Variants in LGALS13 observed in about 807,000 individuals in gnomAD.
LGALS13 encodes galactoside-binding soluble lectin 13.
In LGALS13, 11 loss-of-function variants were observed where a neutral mutation model predicts 13.2. The observed-to-expected ratio is 0.83, with a 90% confidence interval of 0.52 to 1.38. LGALS13 has a LOEUF of 1.38. Among genes scored for constraint, LGALS13 ranks in the 40% most tolerant of loss-of-function variants. LGALS13 has a pLI of 0.00. For synonymous variants in LGALS13, 71 were observed against 63.7 expected, an observed-to-expected ratio of 1.11 and a Z score of -0.54; for missense variants, 183 against 174.3, an observed-to-expected ratio of 1.05 and a Z score of -0.28.
chr19:39,606,660 C>T lies in LGALS13; in HGVS notation c.304-563C>T, dbSNP rs113116093. ...CATTCACATCTTATTCAGATTCAAG[C>T]GAGGGATCTTTTCCTATGCTTAGAA... On this transcript the variant is annotated intron_variant, in intron 3 of 3. Coordinates refer to ENST00000221797, the MANE Select transcript of LGALS13 (RefSeq NM_013268.3). Among the ~76,000 whole-genome samples, 5 of 152,148 alleles carry T rather than the reference C, an allele frequency of 3.3e-5. No individual in the cohort carries two copies. In the East Asian group the frequency reaches 9.6e-4, roughly 29 times the overall value.
intron 1 of LGALS13, 135 bp from the exon 2 acceptor site, chr19:39,604,467 A>G (rs1972649317): frequency 3.1e-6 from 3 of 961,730 alleles, no homozygotes; most frequent in Non-Finnish European, 3.3e-6. Context: ...GGGGCCCTGA[A>G]TGCGGTAGGG....
At chr19:39,605,472 T>G (rs1972673695) in intron 3 of LGALS13, 84 bp downstream of exon 3, 8 of 1,113,400 alleles carry the variant, frequency 7.2e-6, no homozygotes, top group Non-Finnish European at 9.5e-6. Flanking sequence ...GCCTCAGTAG[T>G]CCGTCAGGGT....
In LGALS13 at chr19:39,607,450, G is replaced by A; in HGVS notation, c.*111G>A. The A allele has an allele frequency of 1.3e-6, 1 of 787,504 alleles. No homozygotes were observed. Among genetic ancestry groups the A allele is most frequent in the Non-Finnish European group, 2.2e-6 (1 of 447,736 alleles). The allele number at this position is 787,504 out of a possible 1,614,324, so 48.8% of individuals were successfully genotyped here. A position where few individuals can be genotyped will look rare whatever the true frequency, so the allele number is the denominator to read the frequency against. On this transcript the variant is annotated 3_prime_UTR_variant, in exon 4 of 4. Transcript: ENST00000221797. The stretch of plus-strand genomic sequence containing the variant: ...CTGCTCACATTTTCCCCTACACTTT[G>A]TCATTAAAACAGCACGAAAACTCAC...
chr19:39,603,027 G>A (rs1972625947), intron 1 of LGALS13, among the ~76,000 whole-genome samples: 1 of 152,186 alleles, frequency 6.6e-6, no homozygotes, highest in South Asian at 2.1e-4. Context: ...GTGGCTCTGT[G>A]TGACTGTGAG....
At position 39,605,316 on chromosome 19, in the gene LGALS13, A is replaced by ATTT. The variant is rs753174253; in HGVS notation, c.231_232insTTT (p.Thr77_Thr78insPhe). 38 of 1,614,240 alleles carry ATTT rather than the reference A, an allele frequency of 2.4e-5. 1 individual carries two copies. The African/African-American group carries it at 3.2e-4, about 14-fold the overall frequency. ...TTGGGATATGGATGTTGGAGGAGAC[A>ATTT]ACAGACTACGTGCCCTTTGAGGATG... On this transcript the variant is annotated inframe_insertion, in exon 3 of 4. Coordinates refer to ENST00000221797, the MANE Select transcript of LGALS13 (RefSeq NM_013268.3).
intron 3 of LGALS13, 73 bp from the exon 4 acceptor site, chr19:39,607,150 G>A: frequency 1.0e-6 from 1 of 955,756 alleles, no homozygotes; most frequent in Non-Finnish European, 1.7e-6. Flanking sequence ...ATTTGTACCA[G>A]GACAGAGTGG....
intron 3 of LGALS13, among the ~76,000 whole-genome samples, chr19:39,606,278 A>G (rs981396390): frequency 6.6e-6 from 1 of 152,238 alleles, no homozygotes; most frequent in African/African-American, 2.4e-5. Flanking sequence ...GCCAAAGAAT[A>G]TATATTGAAG....
intron 1 of LGALS13, 148 bp downstream of exon 1, chr19:39,602,731 A>G (rs1972620965): frequency 6.1e-6 from 5 of 821,686 alleles, no homozygotes; most frequent in Admixed American, 4.0e-5. Flanking sequence ...CCCTGAGGCT[A>G]TGGTATCTGA....
rs754956765 is a variant in LGALS13 at position 39,607,282 on chromosome 19, G to C, written c.363G>C (p.Val121=). 6.2e-7 allele frequency: 1 copy of C among 1,614,120 alleles called. No homozygotes were observed. The highest frequency in any genetic ancestry group is 8.5e-7 in the Non-Finnish European group (1 of 1,180,008). ...TCCATCGAATCCCGCCATCATTTGT[G>C]AAGATGGTGCAAGTGTCGAGAGATA... is the stretch of plus-strand genomic sequence containing the variant. ...GFVHRIPPSF[V]KMVQVSRDIS... The change falls in exon 4 of 4, where the codon GTG becomes GTC. Residue 121 remains valine (V), a synonymous_variant. Transcript: ENST00000221797.
At chr19:39,603,195 T>C (rs1382758764) in intron 1 of LGALS13, among the ~76,000 whole-genome samples, 1 of 152,138 alleles carries the variant, frequency 6.6e-6, no homozygotes, top group Non-Finnish European at 1.5e-5. Flanking sequence ...AAGGACTTAT[T>C]TCAGATCACT....
chr19:39,605,201 A>G lies in LGALS13; in HGVS notation c.116A>G (p.Asp39Gly). The change falls in exon 3 of 4, where the codon GAT (aspartate) becomes GGT (glycine). Residue 39 changes from aspartate to glycine, a missense_variant. Physicochemically the swap from Asp to Gly is moderately conservative, Grantham distance 94 (BLOSUM62 -1). Coordinates refer to ENST00000221797, the MANE Select transcript of LGALS13 (RefSeq NM_013268.3). ...AGCAATGACCCACAGCTGCAGGTGG[A>G]TTTCTACACTGACATGGATGAGGAT... is the stretch of plus-strand genomic sequence containing the variant. ...SFINDPQLQV[D>G]FYTDMDEDSD... The G allele has an allele frequency of 6.2e-7, 1 of 1,614,218 alleles. No individual in the cohort carries two copies. Among genetic ancestry groups the G allele is most frequent in the Non-Finnish European group, 8.5e-7 (1 of 1,180,026 alleles).
intron 1 of LGALS13, among the ~76,000 whole-genome samples, chr19:39,603,664 T>G (rs1310062307): frequency 1.3e-5 from 2 of 152,012 alleles, no homozygotes; most frequent in African/African-American, 4.8e-5. Flanking sequence ...AGTCTGGGTA[T>G]CAGAGTGAGA....
intron 1 of LGALS13, among the ~76,000 whole-genome samples, chr19:39,603,053 G>A (rs939318312): frequency 6.6e-6 from 1 of 152,180 alleles, no homozygotes; most frequent in Non-Finnish European, 1.5e-5. Flanking sequence ...GTGCTGGGAT[G>A]TGACTGTATG....
At chr19:39,605,828 TTTTG>T (rs1001629323) in intron 3 of LGALS13, among the ~76,000 whole-genome samples, 28 of 150,396 alleles carry the variant, frequency 1.9e-4, no homozygotes, top group Non-Finnish European at 3.0e-4. Flanking sequence ...TTCAAAGAGG[TTTTG>T]TTTGTTTGTT....
In LGALS13 at chr19:39,604,668, C is replaced by G. The variant is rs781697858; in HGVS notation, c.82C>G (p.His28Asp). 9.3e-6 allele frequency: 15 copies of G among 1,614,062 alleles called. No homozygotes were observed. Among genetic ancestry groups the G allele is most frequent in the Non-Finnish European group, 1.2e-5 (14 of 1,180,028 alleles). ...SCVIIKGTPIHSFINDPQLQV... is the reference protein window; with the variant it reads ...SCVIIKGTPIDSFINDPQLQV... ...CGTGATAATCAAAGGGACACCAATC[C>G]ACTCTTTTATGTGAGTACTCCATGG... is the stretch of plus-strand genomic sequence containing the variant. The change falls in exon 2 of 4, where the codon CAC becomes GAC. Residue 28 changes from histidine (H) to aspartate (D), a missense_variant. Coordinates refer to ENST00000221797, the MANE Select transcript of LGALS13 (RefSeq NM_013268.3).
intron 3 of LGALS13, among the ~76,000 whole-genome samples, chr19:39,606,945 G>C (rs534746544): frequency 6.6e-6 from 1 of 152,194 alleles, no homozygotes; most frequent in African/African-American, 2.4e-5. Flanking sequence ...TGGCGATGGG[G>C]ATCTTCCAGG....
intron 1 of LGALS13, among the ~76,000 whole-genome samples, chr19:39,603,558 A>G (rs1972634056): frequency 1.3e-5 from 2 of 151,900 alleles, no homozygotes; most frequent in Admixed American, 1.3e-4. Flanking sequence ...AGTGGATATT[A>G]ATCAACCAAG....
chr19:39,602,967 G>A (rs1972624839), intron 1 of LGALS13, among the ~76,000 whole-genome samples: 1 of 152,186 alleles, frequency 6.6e-6, no homozygotes, highest in African/African-American at 2.4e-5. Context: ...ACCAGTGCAT[G>A]AGCATCGTTA....
intron 3 of LGALS13, among the ~76,000 whole-genome samples, chr19:39,606,392 A>G (rs1410413692): frequency 6.6e-6 from 1 of 152,158 alleles, no homozygotes; most frequent in Admixed American, 6.5e-5. Context: ...GGGGCACTAA[A>G]TTTCCTTCCA....
Sources: allele counts gnomAD v4.1 joint callset (sites outside exome capture counted in the v4.1 genomes callset), GRCh38; gene constraint gnomAD v4.1.1; transcripts MANE v1.5; gene names NCBI Gene and HGNC (gene_info 2026-07-23, HGNC 2026-07-21).